SETD4: variants seen among roughly 807,000 people sequenced by gnomAD.
SETD4 encodes SET domain-containing protein 4.
A neutral mutation model predicts 58.3 loss-of-function variants in SETD4; 46 were observed. The observed-to-expected ratio is 0.79, with a 90% CI of 0.62 to 1.01. The LOEUF (loss-of-function observed/expected upper bound fraction) is 1.01, where lower values mean the gene tolerates loss of function less well. SETD4 is among the 50% of genes least tolerant of loss of function. SETD4 has a pLI of 0.00. For synonymous variants in SETD4, 190 were observed against 202.6 expected (o/e 0.94, Z 0.53); for missense variants, 490 against 523.3 (o/e 0.94, Z 0.62).
Position 36,038,340 on chromosome 21 carries a change from T to A in SETD4, c.1065-67A>T, listed in dbSNP as rs764666078. On this transcript the variant is annotated intron_variant, in intron 9 of 11. Coordinates refer to ENST00000332131, the MANE Select transcript of SETD4 (RefSeq NM_017438.5). Reference sequence around the variant, plus strand: ...CAAAAAACAGATTTTTTTGTTTCAGTGCAACACATAAACTCCTTCTCCTAT... The same window carrying A: ...CAAAAAACAGATTTTTTTGTTTCAGAGCAACACATAAACTCCTTCTCCTAT... 1.0e-5 allele frequency: 16 copies of A among 1,562,200 alleles called. No individual in the cohort carries two copies. The Middle Eastern group carries it at 5.1e-4, about 50-fold the overall frequency.
In SETD4 at chr21:36,038,303, T is replaced by C. The variant is rs772024278; in HGVS notation, c.1065-30A>G. 5.6e-6 allele frequency: 9 copies of C among 1,600,984 alleles called. No homozygotes were observed. The Admixed American group carries it at 1.6e-4, about 29-fold the overall frequency. On this transcript the variant is annotated intron_variant, in intron 9 of 11. Coordinates refer to ENST00000332131, the MANE Select transcript of SETD4 (RefSeq NM_017438.5). ...AACCAAAATGTTCCATGACACAATT[T>C]TAGCAGGCTCTCAAAAAACAGATTT...
chr21:36,044,570 C>A (rs549886436), intron 6 of SETD4, among the ~76,000 whole-genome samples: 1 of 152,194 alleles, frequency 6.6e-6, no homozygotes, highest in Non-Finnish European at 1.5e-5. Flanking sequence ...GATATTATTT[C>A]GTCAACATCA....
intron 9 of SETD4, among the ~76,000 whole-genome samples, chr21:36,040,096 G>A (rs186187214): frequency 6.0e-4 from 92 of 152,118 alleles, no homozygotes; most frequent in African/African-American, 2.0e-3. Flanking sequence ...GAACATGAGG[G>A]AGCCTGGCCA....
intron 4 of SETD4, chr21:36,051,157 A>G (rs2064660277): frequency 6.4e-7 from 1 of 1,564,854 alleles, no homozygotes; most frequent in South Asian, 1.1e-5. Context: ...CAGCTCACCC[A>G]GCGTATGTCC....
chr21:36,046,068 G>A, intron 5 of SETD4, 57 bp from the exon 6 acceptor site: 1 of 1,562,530 alleles, frequency 6.4e-7, no homozygotes. Context: ...TACGAAATAA[G>A]CCAAGCAGTT....
chr21:36,044,121 G>T (rs1010587541), intron 6 of SETD4, among the ~76,000 whole-genome samples, 165 bp from the exon 7 acceptor site: 1 of 152,160 alleles, frequency 6.6e-6, no homozygotes, highest in East Asian at 1.9e-4. Flanking sequence ...CATCCACCTC[G>T]ACTTCACCCC....
intron 8 of SETD4, among the ~76,000 whole-genome samples, chr21:36,041,605 G>A (rs991238227): frequency 6.6e-6 from 1 of 152,176 alleles, no homozygotes; most frequent in East Asian, 1.9e-4. Flanking sequence ...TGTCCCTAAA[G>A]AAGTTTCTTT....
At chr21:36,045,124 A>C (rs1321761513) in intron 6 of SETD4, among the ~76,000 whole-genome samples, 1 of 152,246 alleles carries the variant, frequency 6.6e-6, no homozygotes, top group Non-Finnish European at 1.5e-5. Context: ...GGAACAAGAC[A>C]AAGACCCCAT....
chr21:36,050,229 G>A (rs569825273), intron 4 of SETD4: 5 of 1,301,958 alleles, frequency 3.8e-6, no homozygotes, highest in South Asian at 2.4e-5. Context: ...CTGTAGTTAC[G>A]TGGCTGCCAA....
At chr21:36,047,515 A>C (rs1290602830) in intron 5 of SETD4, among the ~76,000 whole-genome samples, 1 of 152,172 alleles carries the variant, frequency 6.6e-6, no homozygotes, top group Non-Finnish European at 1.5e-5. Flanking sequence ...AGTAACTTAC[A>C]TTTGTCAAGA....
intron 2 of SETD4, among the ~76,000 whole-genome samples, chr21:36,057,789 G>A (rs530012564): frequency 6.6e-6 from 1 of 152,166 alleles, no homozygotes; most frequent in East Asian, 1.9e-4. Flanking sequence ...CAGAAAATAG[G>A]AAGAGGTCCA....
chr21:36,060,229 C>G (rs1245662368), intron 1 of SETD4, 118 bp downstream of exon 1: 1 of 624,642 alleles, frequency 1.6e-6, no homozygotes, highest in Non-Finnish European at 2.0e-6. Context: ...AGGGGACCTG[C>G]GACCTAAACT....
rs376492836 is a variant in SETD4 at position 36,041,982 on chromosome 21, CA to C, written c.902-95del. ...CTCAACTCACTTCCTTTCCCTTTAG[CA>C]ACCCAGACATGCATAAACAGTTCCA... On this transcript the variant is annotated intron_variant, in intron 7 of 11. Transcript: ENST00000332131. The C allele has an allele frequency of 6.3e-6, 4 of 634,706 alleles. No homozygotes were observed. The East Asian group carries it at 1.2e-4, about 18-fold the overall frequency. The allele number at this position is 634,706 out of a possible 1,614,324, so 39.3% of individuals were successfully genotyped here. A position where few individuals can be genotyped will look rare whatever the true frequency, so the allele number is the denominator to read the frequency against.
chr21:36,053,768 G>A, intron 3 of SETD4, 148 bp from the exon 4 acceptor site: 1 of 774,202 alleles, frequency 1.3e-6, no homozygotes, highest in Non-Finnish European at 2.1e-6. Flanking sequence ...AGGGGAAACA[G>A]GGAGTCAGAA....
chr21:36,036,092 G>A lies in SETD4; in HGVS notation c.*25C>T, dbSNP rs1568895363. 1 of 1,614,126 alleles carries A rather than the reference G, an allele frequency of 6.2e-7. No individual in the cohort carries two copies. On this transcript the variant is annotated 3_prime_UTR_variant, in exon 11 of 12. Coordinates refer to ENST00000332131, the MANE Select transcript of SETD4 (RefSeq NM_017438.5). Reference sequence around the variant, plus strand: ...TGTGTGACTAACACCCACCAGAGGAGGTGACCAAATGCGCTTCGGTGAAAT... The same window carrying A: ...TGTGTGACTAACACCCACCAGAGGAAGTGACCAAATGCGCTTCGGTGAAAT...
intron 3 of SETD4, among the ~76,000 whole-genome samples, chr21:36,056,189 A>G (rs971504840): frequency 2.0e-5 from 3 of 152,224 alleles, no homozygotes; most frequent in Admixed American, 2.0e-4. Context: ...TCACTCAGCA[A>G]GGGGCACAAG....
At position 36,035,706 on chromosome 21, in the gene SETD4, T is replaced by A. The variant is rs960380297; in HGVS notation, c.*287A>T. 8.3e-6 allele frequency: 2 copies of A among 239,710 alleles called. No individual in the cohort carries two copies. The highest frequency in any genetic ancestry group is 2.4e-5 in the African/African-American group (1 of 42,462). The allele number at this position is 239,710 out of a possible 1,614,324, so 14.8% of individuals were successfully genotyped here. On this transcript the variant is annotated 3_prime_UTR_variant, in exon 12 of 12. Transcript: ENST00000332131. ...AGACTCTGATAGCTGCTGTGTCAGA[T>A]AAGAAGCAGGCCCCGTGGTGACAGA...
At position 36,058,911 on chromosome 21, in the gene SETD4, T is replaced by A; in HGVS notation, c.-23A>T. The A allele has an allele frequency of 1.9e-6, 3 of 1,571,272 alleles. No individual in the cohort carries two copies. The highest frequency in any genetic ancestry group is 2.6e-6 in the Non-Finnish European group (3 of 1,163,892). ...CATGCTAAAACTGTAGTTTCTTTTT[T>A]CTGAAATACAGTTCTATTTTTTCAA... On this transcript the variant is annotated 5_prime_UTR_variant, in exon 2 of 12. Transcript: ENST00000332131.
intron 5 of SETD4, among the ~76,000 whole-genome samples, chr21:36,048,075 A>AGGGAC: frequency 1.6e-5 from 1 of 63,690 alleles, no homozygotes; most frequent in East Asian, 4.0e-4. Context: ...GAGGGAGGGA[A>AGGGAC]GGAGGGAAGG....
Sources: gnomAD v4.1 joint callset for allele counts (sites outside exome capture counted in the v4.1 genomes callset) on GRCh38, gnomAD v4.1.1 for gene constraint, MANE v1.5 for transcripts, NCBI Gene and HGNC (gene_info 2026-07-23, HGNC 2026-07-21) for gene names.